Variants in MMRN1 observed in about 807,000 individuals in gnomAD.
MMRN1 encodes the protein multimerin-1.
Under a neutral mutation model 100.7 loss-of-function variants are expected in MMRN1, and 94 were observed. The observed-to-expected ratio is 0.93, with a 90% CI of 0.79 to 1.11. The LOEUF (loss-of-function observed/expected upper bound fraction) is 1.11, where lower values mean the gene tolerates loss of function less well. Ranked by LOEUF, MMRN1 falls within the 50% of genes least tolerant of loss-of-function variation. The probability of loss-of-function intolerance (pLI) is 0.00; values close to 1 mark genes in which losing one functional copy is unlikely to be tolerated. For synonymous variants in MMRN1, 575 were observed against 505.0 expected (o/e 1.14, Z -1.86); for missense variants, 1,606 against 1,439.1 (o/e 1.12, Z -1.88).
intron 1 of MMRN1, among the ~76,000 whole-genome samples, chr4:89,889,534 C>T (rs1721004675): frequency 1.3e-5 from 2 of 152,114 alleles, no homozygotes; most frequent in African/African-American, 4.8e-5. Flanking sequence ...CAGTCACATC[C>T]GCCTGTGGGA....
At chr4:89,922,489 T>C (rs1188975489) in intron 3 of MMRN1, among the ~76,000 whole-genome samples, 1 of 152,190 alleles carries the variant, frequency 6.6e-6, no homozygotes, top group South Asian at 2.1e-4. Flanking sequence ...TATTATTTGA[T>C]TCATGGGAAT....
At chr4:89,902,878 T>A (rs1270169265) in intron 1 of MMRN1, among the ~76,000 whole-genome samples, 3 of 151,980 alleles carry the variant, frequency 2.0e-5, no homozygotes, top group Non-Finnish European at 4.4e-5. Flanking sequence ...CTGATATTTT[T>A]ATCTCAGTTT....
chr4:89,951,524 T>TC, intron 6 of MMRN1, 81 bp from the exon 7 acceptor site: 1 of 1,375,330 alleles, frequency 7.3e-7, no homozygotes, highest in Non-Finnish European at 9.5e-7. Context: ...TTTTTCCTAT[T>TC]CTGCTGCAAA....
rs143550546 is a variant in MMRN1, at chr4:89,929,545, T to A, written c.1129+1577T>A. The stretch of plus-strand genomic sequence containing the variant: ...ATGTAATTGACTATAACCATCTGAA[T>A]GAGATTTGTTTAGCAAGATTTGGTT... On this transcript the variant is annotated intron_variant, in intron 5 of 7. Coordinates refer to ENST00000264790, the MANE Select transcript of MMRN1 (RefSeq NM_007351.3). Among the ~76,000 whole-genome samples the A allele has an allele frequency of 7.3e-4, 111 of 152,236 alleles. 1 individual carries two copies. The highest frequency in any genetic ancestry group is 2.5e-3 in the African/African-American group (103 of 41,568).
intron 1 of MMRN1, among the ~76,000 whole-genome samples, chr4:89,897,901 A>G (rs1721260561): frequency 6.6e-6 from 1 of 152,194 alleles, no homozygotes; most frequent in Non-Finnish European, 1.5e-5. Flanking sequence ...AAGATACTAA[A>G]GGTATAACTT....
chr4:89,903,168 G>A (rs1320248128), intron 1 of MMRN1, among the ~76,000 whole-genome samples: 1 of 151,322 alleles, frequency 6.6e-6, no homozygotes, highest in Non-Finnish European at 1.5e-5. Flanking sequence ...TATTTCCCTT[G>A]AATTATTTTC....
At position 89,954,240 on chromosome 4, in the gene MMRN1, T is replaced by C. The variant is rs1294677639; in HGVS notation, c.*822T>C. On this transcript the variant is annotated 3_prime_UTR_variant, in exon 8 of 8. Coordinates refer to ENST00000264790, the MANE Select transcript of MMRN1 (RefSeq NM_007351.3). ...GGATGCTCACTATGCCCTGTTTCTC[T>C]TCTAAACAATTTACATGTAATGTCT... 6.6e-6 allele frequency: 1 copy of C among 152,214 alleles called. No homozygotes were observed. The highest frequency in any genetic ancestry group is 1.5e-5 in the Non-Finnish European group (1 of 68,040). 9.4% of individuals were successfully genotyped at this position (152,214 alleles called of 1,614,324 possible).
chr4:89,898,389 C>T (rs1721276873), intron 1 of MMRN1, among the ~76,000 whole-genome samples: 1 of 152,020 alleles, frequency 6.6e-6, no homozygotes, highest in Non-Finnish European at 1.5e-5. Context: ...AGGGCAAAGA[C>T]TCAAATCCAA....
chr4:89,936,699 T>C lies in MMRN1; in HGVS notation c.3019T>C (p.Leu1007=). 2 of 1,613,476 alleles carry C rather than the reference T, an allele frequency of 1.2e-6. No homozygotes were observed. The highest frequency in any genetic ancestry group is 1.7e-6 in the Non-Finnish European group (2 of 1,179,606). The part of the protein sequence containing the change: ...VVKSQKQVKS[L]PKKINALKKP... ...CAAGTCTCAGAAGCAAGTAAAATCATTGCCAAAGAAAATTAACGCACTTAA... is the reference window on the plus strand; with the variant it reads ...CAAGTCTCAGAAGCAAGTAAAATCACTGCCAAAGAAAATTAACGCACTTAA... The change falls in exon 6 of 8, where the codon TTG becomes CTG. Residue 1007 remains leucine (L), a synonymous_variant. Transcript: ENST00000264790.
chr4:89,893,245 C>T (rs941235473), upstream of MMRN1, among the ~76,000 whole-genome samples: 11 of 151,942 alleles, frequency 7.2e-5, no homozygotes, highest in Admixed American at 2.0e-4. Flanking sequence ...ATCTGAGAAA[C>T]GGATGCTTTT....
chr4:89,932,496 C>A (rs1314866169), intron 5 of MMRN1, among the ~76,000 whole-genome samples: 1 of 152,222 alleles, frequency 6.6e-6, no homozygotes, highest in Non-Finnish European at 1.5e-5. Context: ...CATTTCCCTT[C>A]TGCACCACCC....
chr4:89,882,338 C>T (rs909427056), intron 1 of MMRN1, among the ~76,000 whole-genome samples: 3 of 150,724 alleles, frequency 2.0e-5, no homozygotes, highest in Non-Finnish European at 3.0e-5. Context: ...CAATACTGAA[C>T]ATTTTTTCTT....
chr4:89,940,325 A>G (rs1722782132), intron 6 of MMRN1, among the ~76,000 whole-genome samples: 1 of 152,078 alleles, frequency 6.6e-6, no homozygotes, highest in Non-Finnish European at 1.5e-5. Flanking sequence ...ATGTTTATCA[A>G]TTTAGCTCCC....
intron 3 of MMRN1, among the ~76,000 whole-genome samples, chr4:89,921,752 C>A (rs1722096239): frequency 6.6e-6 from 1 of 152,142 alleles, no homozygotes; most frequent in South Asian, 2.1e-4. Context: ...AATGGAAATT[C>A]ATTAATTTAG....
At chr4:89,914,738 C>T (rs1721860314) in intron 3 of MMRN1, among the ~76,000 whole-genome samples, 1 of 151,482 alleles carries the variant, frequency 6.6e-6, no homozygotes, top group Non-Finnish European at 1.5e-5. Flanking sequence ...AAAAAGTCAG[C>T]AGTAACATAC....
intron 1 of MMRN1, among the ~76,000 whole-genome samples, chr4:89,879,787 G>A (rs1720781723): frequency 6.6e-6 from 1 of 152,154 alleles, no homozygotes; most frequent in Non-Finnish European, 1.5e-5. Flanking sequence ...TTAGAATGCA[G>A]TAAGAATGTG....
chr4:89,938,505 A>G (rs1560596590), intron 6 of MMRN1, among the ~76,000 whole-genome samples: 2 of 93,744 alleles, frequency 2.1e-5, no homozygotes, highest in Non-Finnish European at 4.2e-5. Context: ...ATATATATAT[A>G]TATATATTTA....
chr4:89,943,810 C>A (rs955592543), intron 6 of MMRN1, among the ~76,000 whole-genome samples: 1 of 151,922 alleles, frequency 6.6e-6, no homozygotes, highest in East Asian at 1.9e-4. Flanking sequence ...GCCAACCTGG[C>A]GAAACCCCAT....
rs1399809363 is a variant in MMRN1 at position 89,953,812 on chromosome 4, C to A, written c.*394C>A. The A allele has an allele frequency of 1.3e-5, 2 of 154,152 alleles. No individual in the cohort carries two copies. Among genetic ancestry groups the A allele is most frequent in the Non-Finnish European group, 2.9e-5 (2 of 69,494 alleles). 9.5% of individuals were successfully genotyped at this position (154,152 alleles called of 1,614,324 possible). A position where few individuals can be genotyped will look rare whatever the true frequency, so the allele number is the denominator to read the frequency against. On this transcript the variant is annotated 3_prime_UTR_variant, in exon 8 of 8. Transcript: ENST00000264790. Reference sequence around the variant, plus strand: ...TTATTCCCTGTATATAAATATATAACACACATTTTCTAGATTCACAAATTT... The same window carrying A: ...TTATTCCCTGTATATAAATATATAAAACACATTTTCTAGATTCACAAATTT...
Sources: allele counts gnomAD v4.1 joint callset (sites outside exome capture counted in the v4.1 genomes callset), GRCh38; gene constraint gnomAD v4.1.1; transcripts MANE v1.5; gene names NCBI Gene and HGNC (gene_info 2026-07-23, HGNC 2026-07-21).